Variants in EHBP1 observed in about 807,000 individuals in gnomAD.
The protein encoded by EHBP1 is EH domain binding protein 1, also known as EH domain-binding protein 1.
A neutral mutation model predicts 144.0 loss-of-function variants in EHBP1; 55 were observed. The ratio of observed to expected loss-of-function variants is 0.38; its 90% confidence interval spans 0.31 to 0.48. EHBP1 has a LOEUF of 0.48. Ranked by LOEUF, EHBP1 falls within the 20% of genes least tolerant of loss-of-function variation. The pLI is 0.98. For synonymous variants in EHBP1, 469 were observed against 472.7 expected, an observed-to-expected ratio of 0.99 and a Z score of 0.10; for missense variants, 1,200 against 1,364.2, an observed-to-expected ratio of 0.88 and a Z score of 1.90.
intron 3 of EHBP1, among the ~76,000 whole-genome samples, chr2:62,757,431 T>C (rs897198134): frequency 3.5e-4 from 50 of 144,400 alleles, no homozygotes; most frequent in Non-Finnish European, 5.8e-4. Flanking sequence ...TTTTTCTTTT[T>C]TTTTTTTTTT....
chr2:62,724,570 C>A (rs1301061690), intron 2 of EHBP1, among the ~76,000 whole-genome samples: 1 of 151,724 alleles, frequency 6.6e-6, no homozygotes, highest in African/African-American at 2.4e-5. Context: ...TGTCAGAGTT[C>A]TTTTGTTGGT....
intron 2 of EHBP1, among the ~76,000 whole-genome samples, chr2:62,739,553 CAAT>C (rs1015698243): frequency 2.6e-5 from 4 of 151,878 alleles, no homozygotes; most frequent in Non-Finnish European, 4.4e-5. Context: ...TACTGTAAAA[CAAT>C]AAAGTATGAA....
chr2:62,963,345 A>C (rs1270258483), intron 14 of EHBP1, among the ~76,000 whole-genome samples: 1 of 152,246 alleles, frequency 6.6e-6, no homozygotes, highest in Non-Finnish European at 1.5e-5. Context: ...TAATTGTAGC[A>C]GATTTAGATA....
At chr2:62,890,750 G>C (rs1200137157) in intron 10 of EHBP1, among the ~76,000 whole-genome samples, 1 of 152,172 alleles carries the variant, frequency 6.6e-6, no homozygotes, top group Non-Finnish European at 1.5e-5. Context: ...AGTCAGGCAA[G>C]AGAAAGAAAT....
At chr2:62,852,323 G>A (rs867030158) in intron 7 of EHBP1, among the ~76,000 whole-genome samples, 24 of 151,958 alleles carry the variant, frequency 1.6e-4, no homozygotes, top group South Asian at 2.1e-4. Context: ...GATAAAATGT[G>A]GATAATAATA....
At chr2:62,903,392 G>C (rs1348215358) in intron 10 of EHBP1, among the ~76,000 whole-genome samples, 1 of 152,076 alleles carries the variant, frequency 6.6e-6, no homozygotes, top group Non-Finnish European at 1.5e-5. Context: ...ATCCATGCAA[G>C]AAGATTGTAA....
chr2:62,949,590 AAAAT>A (rs1419675134), intron 13 of EHBP1, among the ~76,000 whole-genome samples: 3 of 152,358 alleles, frequency 2.0e-5, no homozygotes, highest in East Asian at 3.9e-4. Context: ...ATTCTACTAT[AAAAT>A]AAATCAAAGA....
At chr2:62,829,006 T>C (rs2046559463) in intron 6 of EHBP1, among the ~76,000 whole-genome samples, 1 of 151,608 alleles carries the variant, frequency 6.6e-6, no homozygotes, top group African/African-American at 2.4e-5. Context: ...GGGTCCCAGC[T>C]ACTGAGGAGG....
At chr2:62,674,121 C>CT (rs2033199048) in intron 1 of EHBP1, 1 of 471,016 alleles carries the variant, frequency 2.1e-6, no homozygotes. Context: ...TCCTAATGTT[C>CT]TAGAAGCATC....
chr2:62,678,339 T>C (rs553063854), intron 1 of EHBP1, among the ~76,000 whole-genome samples: 2 of 152,386 alleles, frequency 1.3e-5, no homozygotes, highest in South Asian at 4.1e-4. Flanking sequence ...TATTAGACTT[T>C]TTCCTATAGA....
intron 10 of EHBP1, among the ~76,000 whole-genome samples, chr2:62,925,177 T>G (rs1332634997): frequency 2.6e-5 from 4 of 152,164 alleles, no homozygotes; most frequent in Non-Finnish European, 5.9e-5. Context: ...GATAAAACTC[T>G]TAATAATTAG....
chr2:62,854,724 T>A (rs979862472), intron 7 of EHBP1, among the ~76,000 whole-genome samples: 49 of 152,270 alleles, frequency 3.2e-4, no homozygotes, highest in African/African-American at 1.1e-3. Flanking sequence ...CTAACAGATA[T>A]AATGAAAAGG....
At chr2:62,820,228 A>C (rs996626481) in intron 5 of EHBP1, among the ~76,000 whole-genome samples, 7 of 151,456 alleles carry the variant, frequency 4.6e-5, no homozygotes, top group African/African-American at 1.7e-4. Context: ...AAAAAAAGAA[A>C]AAAAAAAAAA....
At chr2:62,906,924 C>T (rs1238315944) in intron 10 of EHBP1, among the ~76,000 whole-genome samples, 1 of 152,010 alleles carries the variant, frequency 6.6e-6, no homozygotes, top group Non-Finnish European at 1.5e-5. Flanking sequence ...GACTTTTTTT[C>T]ACTTAGCATA....
chr2:62,683,125 G>T (rs1460840154), intron 1 of EHBP1, among the ~76,000 whole-genome samples: 4 of 86,694 alleles, frequency 4.6e-5, no homozygotes, highest in Non-Finnish European at 8.7e-5. Context: ...GGCAGCTACT[G>T]TCAGAACAAC....
intron 7 of EHBP1, among the ~76,000 whole-genome samples, chr2:62,849,360 T>G (rs893369411): frequency 6.6e-6 from 1 of 152,076 alleles, no homozygotes; most frequent in African/African-American, 2.4e-5. Context: ...TCAGCCAAGA[T>G]CAAACGTGAG....
intron 9 of EHBP1, among the ~76,000 whole-genome samples, chr2:62,869,067 T>C (rs745531032): frequency 4.6e-5 from 7 of 152,162 alleles, no homozygotes; most frequent in Admixed American, 1.3e-4. Flanking sequence ...TCATTAGTCA[T>C]CAAGAAAATG....
At chr2:62,975,856 T>G (rs1351069465) in intron 14 of EHBP1, among the ~76,000 whole-genome samples, 2 of 148,950 alleles carry the variant, frequency 1.3e-5, no homozygotes, top group Admixed American at 6.7e-5. Context: ...ATTGCACCAC[T>G]GCATTTCAGC....
chr2:62,818,717 A>G (rs1174809686), intron 5 of EHBP1, among the ~76,000 whole-genome samples: 1 of 152,208 alleles, frequency 6.6e-6, no homozygotes, highest in Non-Finnish European at 1.5e-5. Flanking sequence ...AACATTGACT[A>G]GAAAGAATCA....
Sources: gnomAD v4.1 joint callset for allele counts (sites outside exome capture counted in the v4.1 genomes callset) on GRCh38, gnomAD v4.1.1 for gene constraint, MANE v1.5 for transcripts, NCBI Gene and HGNC (gene_info 2026-07-23, HGNC 2026-07-21) for gene names.